UBE2V2: variants seen among roughly 807,000 people sequenced by gnomAD.
UBE2V2 encodes the protein ubiquitin-conjugating enzyme E2 variant 2.
In UBE2V2, 9 loss-of-function variants were observed where a neutral mutation model predicts 17.2. The observed-to-expected ratio is 0.52, with a 90% CI of 0.32 to 0.91. The LOEUF (loss-of-function observed/expected upper bound fraction) is 0.91, where lower values mean the gene tolerates loss of function less well. UBE2V2 is among the 40% of genes least tolerant of loss of function. UBE2V2 has a pLI of 0.04. For missense variants in UBE2V2, 133 were observed against 182.6 expected (o/e 0.73, Z 1.56); for synonymous variants, 61 against 57.5 (o/e 1.06, Z -0.28).
In UBE2V2 at chr8:48,062,471, T is replaced by C. The variant is rs1304303203; in HGVS notation, c.*1643T>C. ...AGCCAGGTGTGGTGGTGGGTACTTG[T>C]AGTCCCAGCTACTCGGGAGGCTGGG... On this transcript the variant is annotated 3_prime_UTR_variant, in exon 4 of 4. Coordinates refer to ENST00000523111, the MANE Select transcript of UBE2V2 (RefSeq NM_003350.3). 6.6e-6 allele frequency: 1 copy of C among 151,490 alleles called. No homozygotes were observed. The highest frequency in any genetic ancestry group is 1.5e-5 in the Non-Finnish European group (1 of 67,994). The allele number at this position is 151,490 out of a possible 1,614,324, so 9.4% of individuals were successfully genotyped here.
At chr8:48,025,760 C>T (rs557178811) in intron 1 of UBE2V2, among the ~76,000 whole-genome samples, 5 of 152,012 alleles carry the variant, frequency 3.3e-5, no homozygotes, top group South Asian at 4.2e-4. Context: ...CCACCACGAC[C>T]GGCTAATTTT....
At chr8:48,035,031 C>T (rs939941574) in intron 1 of UBE2V2, 22 of 984,414 alleles carry the variant, frequency 2.2e-5, no homozygotes, top group African/African-American at 1.4e-4. Context: ...TCCAAAAGAA[C>T]GAAAGCAGAA....
In UBE2V2 at chr8:48,014,989, G is replaced by T. The variant is rs544221832; in HGVS notation, c.16+6519G>T. 5.3e-5 allele frequency among the ~76,000 whole-genome samples: 8 copies of T among 150,440 alleles called. No homozygotes were observed. The South Asian group carries it at 1.7e-3, about 32-fold the overall frequency. On this transcript the variant is annotated intron_variant, in intron 1 of 3. Transcript: ENST00000523111. ...GGCATGAACCCGGGAGGCGGAGCTTGCAGTGAGCTGAGATTGTGCCACTGC... is the reference window on the plus strand; with the variant it reads ...GGCATGAACCCGGGAGGCGGAGCTTTCAGTGAGCTGAGATTGTGCCACTGC...
the UBE2V2 span, among the ~76,000 whole-genome samples, chr8:47,999,209 G>A: frequency 2.6e-5 from 4 of 152,072 alleles, no homozygotes; most frequent in African/African-American, 7.2e-5. Context: ...GGAGGGGTGG[G>A]CAGCACCAAA....
At position 48,061,141 on chromosome 8, in the gene UBE2V2, G is replaced by A. The variant is rs1359539055; in HGVS notation, c.*313G>A. The A allele has an allele frequency of 2.2e-5, 4 of 180,166 alleles. No homozygotes were observed. Among genetic ancestry groups the A allele is most frequent in the African/African-American group, 4.7e-5 (2 of 42,674 alleles). 11.2% of individuals were successfully genotyped at this position (180,166 alleles called of 1,614,324 possible). A position where few individuals can be genotyped will look rare whatever the true frequency, so the allele number is the denominator to read the frequency against. On this transcript the variant is annotated 3_prime_UTR_variant, in exon 4 of 4. Coordinates refer to ENST00000523111, the MANE Select transcript of UBE2V2 (RefSeq NM_003350.3). Reference sequence around the variant, plus strand: ...AAGTGTCAGATGGCAGTGGAAGCATGTGTGTTTCTAAAAAGTAAAAATCTC... The same window carrying A: ...AAGTGTCAGATGGCAGTGGAAGCATATGTGTTTCTAAAAAGTAAAAATCTC...
intron 1 of UBE2V2, among the ~76,000 whole-genome samples, chr8:48,017,846 C>CTT (rs71548448): frequency 3.3e-4 from 45 of 134,606 alleles, no homozygotes; most frequent in African/African-American, 4.9e-4. Context: ...CATAGATTGC[C>CTT]TTTTTTTTTT....
At chr8:48,001,469 ATGTATC>A in the UBE2V2 span, among the ~76,000 whole-genome samples, 1 of 152,152 alleles carries the variant, frequency 6.6e-6, no homozygotes, top group Non-Finnish European at 1.5e-5. Flanking sequence ...ACATTGTGGC[ATGTATC>A]TGTAGTCCCA....
chr8:48,018,954 G>A (rs1443700762), intron 1 of UBE2V2, among the ~76,000 whole-genome samples: 7 of 152,156 alleles, frequency 4.6e-5, no homozygotes, highest in Admixed American at 6.6e-5. Context: ...TTGGGGGCCA[G>A]GCATAGTGGC....
At chr8:47,999,362 CTTTTTT>C in the UBE2V2 span, among the ~76,000 whole-genome samples, 1 of 145,354 alleles carries the variant, frequency 6.9e-6, no homozygotes, top group African/African-American at 2.5e-5. Context: ...TAGACTTCCC[CTTTTTT>C]TTTTTTTGAG....
intron 2 of UBE2V2, chr8:48,049,630 C>G: frequency 3.1e-6 from 1 of 327,464 alleles, no homozygotes. Flanking sequence ...TTTGTAAAAT[C>G]TCATGGAATT....
At chr8:48,041,184 T>C (rs2091461756) in intron 1 of UBE2V2, among the ~76,000 whole-genome samples, 1 of 144,400 alleles carries the variant, frequency 6.9e-6, no homozygotes. Flanking sequence ...TTTTTTTTTT[T>C]TTTTTAAGAC....
At chr8:48,009,640 C>G (rs1363028357) in intron 1 of UBE2V2, among the ~76,000 whole-genome samples, 2 of 152,124 alleles carry the variant, frequency 1.3e-5, no homozygotes, top group Non-Finnish European at 2.9e-5. Flanking sequence ...GCCATCATTG[C>G]ATAATAAAAT....
chr8:48,003,026 A>G, the UBE2V2 span, among the ~76,000 whole-genome samples: 1 of 152,122 alleles, frequency 6.6e-6, no homozygotes, highest in East Asian at 1.9e-4. Flanking sequence ...CCTGGCCAAC[A>G]TGGTGAAACC....
chr8:48,011,493 T>G (rs1322390834), intron 1 of UBE2V2, among the ~76,000 whole-genome samples: 4 of 152,204 alleles, frequency 2.6e-5, no homozygotes, highest in Non-Finnish European at 4.4e-5. Flanking sequence ...CACGTGTTTT[T>G]TATTTAAGCC....
intron 1 of UBE2V2, among the ~76,000 whole-genome samples, chr8:48,021,094 T>A (rs1337552321): frequency 2.0e-5 from 3 of 150,416 alleles, no homozygotes; most frequent in Non-Finnish European, 4.4e-5. Flanking sequence ...TTTTTTTTTT[T>A]AAGATGGATT....
chr8:48,048,249 A>G (rs992800360), intron 2 of UBE2V2, among the ~76,000 whole-genome samples: 1 of 152,206 alleles, frequency 6.6e-6, no homozygotes, highest in Non-Finnish European at 1.5e-5. Flanking sequence ...TGAGCAATTC[A>G]GTTGTGTTAT....
At chr8:48,041,613 C>T (rs2091464822) in intron 1 of UBE2V2, 1 of 152,118 alleles carries the variant, frequency 6.6e-6, no homozygotes, top group South Asian at 2.1e-4. Context: ...GCTAAAATCA[C>T]CTCAAATTTA....
intron 1 of UBE2V2, among the ~76,000 whole-genome samples, chr8:48,041,464 A>G (rs1207986438): frequency 6.6e-6 from 1 of 152,068 alleles, no homozygotes; most frequent in Non-Finnish European, 1.5e-5. Flanking sequence ...ACACAAAATA[A>G]CACAGCAGGT....
chr8:47,999,830 C>T, the UBE2V2 span, among the ~76,000 whole-genome samples: 4 of 152,182 alleles, frequency 2.6e-5, no homozygotes, highest in African/African-American at 7.2e-5. Flanking sequence ...TCTCAAAAAC[C>T]GAGCTCCCCG....
Sources: allele counts gnomAD v4.1 joint callset (sites outside exome capture counted in the v4.1 genomes callset), GRCh38; gene constraint gnomAD v4.1.1; transcripts MANE v1.5; gene names NCBI Gene and HGNC (gene_info 2026-07-23, HGNC 2026-07-21).